The following SASH1 variants were observed in gnomAD, a reference collection of about 807,000 sequenced individuals.
The protein encoded by SASH1 is SAM and SH3 domain-containing protein 1.
Under a neutral mutation model 125.2 loss-of-function variants are expected in SASH1, and 44 were observed. That is an observed-to-expected ratio of 0.35 (90% CI 0.28 to 0.45). The LOEUF is 0.45. Among genes scored for constraint, SASH1 ranks in the 20% least tolerant of loss-of-function variants. The pLI is 1.00. For missense variants in SASH1, 1,426 were observed against 1,614.5 expected, an observed-to-expected ratio of 0.88 and a Z score of 2.00; for synonymous variants, 639 against 649.1, an observed-to-expected ratio of 0.98 and a Z score of 0.24.
At chr6:148,483,331 C>T (rs73015004) in intron 7 of SASH1, among the ~76,000 whole-genome samples, 2,022 of 152,178 alleles carry the variant, frequency 0.013, 19 homozygotes, top group Non-Finnish European at 0.022. Context: ...CCACCCCTCC[C>T]CAGGGTATTA....
chr6:148,333,663 GC>G (rs758123872), intron 1 of SASH1, among the ~76,000 whole-genome samples: 1 of 152,172 alleles, frequency 6.6e-6, no homozygotes. Context: ...CCGGGTTTAA[GC>G]GATTCTCCTG....
intron 1 of SASH1, among the ~76,000 whole-genome samples, chr6:148,330,648 C>T (rs1258007547): frequency 6.6e-6 from 1 of 152,104 alleles, no homozygotes; most frequent in Admixed American, 6.5e-5. Flanking sequence ...TGCAATGGCA[C>T]GATCTCTGCT....
the SASH1 span, among the ~76,000 whole-genome samples, chr6:148,254,833 A>G: frequency 6.6e-6 from 1 of 152,192 alleles, no homozygotes; most frequent in Non-Finnish European, 1.5e-5. Flanking sequence ...TTTTCATGTG[A>G]TCTAGAAATT....
intron 8 of SASH1, among the ~76,000 whole-genome samples, chr6:148,498,225 AC>A (rs562878887): frequency 0.19 from 18,530 of 97,424 alleles, 1,227 homozygotes; most frequent in African/African-American, 0.24. Flanking sequence ...CTCTACAAAA[AC>A]AAACAAACAA....
chr6:148,432,862 T>C (rs1267075598), intron 2 of SASH1, among the ~76,000 whole-genome samples: 1 of 152,236 alleles, frequency 6.6e-6, no homozygotes, highest in African/African-American at 2.4e-5. Context: ...TCTGGTATTT[T>C]GCACAATGGG....
intron 1 of SASH1, among the ~76,000 whole-genome samples, chr6:148,272,824 C>T (rs200777215): frequency 1.3e-5 from 2 of 152,196 alleles, no homozygotes; most frequent in Admixed American, 6.5e-5. Flanking sequence ...CGGGACCATC[C>T]GATTAACCAT....
the SASH1 span, among the ~76,000 whole-genome samples, chr6:148,198,039 AG>A: frequency 6.6e-6 from 1 of 152,146 alleles, no homozygotes; most frequent in African/African-American, 2.4e-5. Context: ...TAGTAGAAAC[AG>A]GGCTTCACCA....
intron 2 of SASH1, among the ~76,000 whole-genome samples, chr6:148,409,234 A>G (rs1286633613): frequency 2.6e-5 from 4 of 152,184 alleles, no homozygotes; most frequent in African/African-American, 7.2e-5. Flanking sequence ...CCTTCAGACC[A>G]TATGCCATAG....
intron 1 of SASH1, among the ~76,000 whole-genome samples, chr6:148,284,002 A>G (rs1779417342): frequency 1.3e-5 from 2 of 152,100 alleles, no homozygotes; most frequent in African/African-American, 2.4e-5. Context: ...AGTGTTAGCT[A>G]TAGTCCATTA....
chr6:148,325,837 A>G (rs540764571), intron 1 of SASH1, among the ~76,000 whole-genome samples: 1 of 152,202 alleles, frequency 6.6e-6, no homozygotes, highest in East Asian at 1.9e-4. Context: ...TAGGTGAGCC[A>G]ATCCACAGTA....
At position 148,542,512 on chromosome 6, in the gene SASH1, G is replaced by A. The variant is rs1046118143; in HGVS notation, c.2210-1168G>A. ...TGCCATTCTCCCGCCTCAGCCTCCC[G>A]AGTAGCTGGGACTACAGGCGCCTGC... On this transcript the variant is annotated intron_variant, in intron 17 of 19. Coordinates refer to ENST00000367467, the MANE Select transcript of SASH1 (RefSeq NM_015278.5). Among the ~76,000 whole-genome samples, 6 of 152,044 alleles carry A rather than the reference G, an allele frequency of 3.9e-5. No homozygotes were observed. In the East Asian group the frequency reaches 5.8e-4, roughly 15 times the overall value.
chr6:148,213,145 G>A, the SASH1 span, among the ~76,000 whole-genome samples: 5 of 152,234 alleles, frequency 3.3e-5, no homozygotes, highest in South Asian at 2.1e-4. Context: ...GAGTGAAATC[G>A]AATTTTTGTA....
chr6:148,536,384 A>G (rs1236728531), intron 16 of SASH1, among the ~76,000 whole-genome samples: 1 of 152,160 alleles, frequency 6.6e-6, no homozygotes, highest in Non-Finnish European at 1.5e-5. Flanking sequence ...TCGTTGCCCA[A>G]GCTGGAGTGC....
chr6:148,507,470 A>C (rs890135206), intron 8 of SASH1, among the ~76,000 whole-genome samples: 2 of 152,010 alleles, frequency 1.3e-5, no homozygotes, highest in African/African-American at 4.8e-5. Flanking sequence ...TCCCGGACTC[A>C]ATTTATCCTC....
chr6:148,514,770 T>C (rs73587761), intron 9 of SASH1, among the ~76,000 whole-genome samples: 4,212 of 152,302 alleles, frequency 0.028, 198 homozygotes, highest in African/African-American at 0.096. Context: ...TTATATAAAC[T>C]TTCTAACTTT....
rs773161054 is a variant in SASH1, at chr6:148,343,166, G to A, written c.99G>A (p.Pro33=). ...PAPEPEPEPK[P]GAGTSEAFSR... ...CGGAGCCGGAACCGGAGCCCAAGCC[G>A]GGTGCTGGCACATCCGAGGCGTTCT... The change falls in exon 1 of 20, where the codon CCG becomes CCA. Residue 33 remains proline, a synonymous_variant. Coordinates refer to ENST00000367467, the MANE Select transcript of SASH1 (RefSeq NM_015278.5). 2 of 1,600,192 alleles carry A rather than the reference G, an allele frequency of 1.2e-6. No homozygotes were observed. Among genetic ancestry groups the A allele is most frequent in the Middle Eastern group, 1.7e-4 (1 of 6,052 alleles).
Position 148,474,288 on chromosome 6 carries a change from C to T in SASH1, c.627+66C>T, listed in dbSNP as rs367561838. ...ACTTTCTGAAGTGTAAAAATGTTTG[C>T]GGCCAACAAGGGGTATAGGAATCAG... On this transcript the variant is annotated intron_variant, in intron 7 of 19. Coordinates refer to ENST00000367467, the MANE Select transcript of SASH1 (RefSeq NM_015278.5). The T allele has an allele frequency of 1.9e-4, 187 of 994,092 alleles. 1 individual carries two copies. The highest frequency in any genetic ancestry group is 2.6e-5 in the East Asian group (1 of 37,922). 61.6% of individuals were successfully genotyped at this position (994,092 alleles called of 1,614,324 possible). A position where few individuals can be genotyped will look rare whatever the true frequency, so the allele number is the denominator to read the frequency against.
intron 8 of SASH1, among the ~76,000 whole-genome samples, chr6:148,498,726 A>G (rs1167968480): frequency 6.6e-6 from 1 of 152,222 alleles, no homozygotes; most frequent in Non-Finnish European, 1.5e-5. Flanking sequence ...TGGTTTAGAG[A>G]TTGGCATTTC....
At chr6:148,290,584 T>C (rs1005825042) in intron 1 of SASH1, among the ~76,000 whole-genome samples, 2 of 151,918 alleles carry the variant, frequency 1.3e-5, no homozygotes, top group Non-Finnish European at 1.5e-5. Context: ...CCAGCCTGGG[T>C]GACAGAGTGA....
Sources: allele counts gnomAD v4.1 joint callset (sites outside exome capture counted in the v4.1 genomes callset), GRCh38; gene constraint gnomAD v4.1.1; transcripts MANE v1.5; gene names NCBI Gene and HGNC (gene_info 2026-07-23, HGNC 2026-07-21).